MTHFD1: variants seen among roughly 807,000 people sequenced by gnomAD.
MTHFD1 encodes the protein C-1-tetrahydrofolate synthase, cytoplasmic.
A neutral mutation model predicts 110.3 loss-of-function variants in MTHFD1; 44 were observed. The observed-to-expected ratio is 0.40, with a 90% CI of 0.31 to 0.51. MTHFD1 has a LOEUF of 0.51. Among genes scored for constraint, MTHFD1 ranks in the 20% least tolerant of loss-of-function variants. MTHFD1 has a pLI of 0.60. For missense variants in MTHFD1, 909 were observed against 1,173.1 expected, an observed-to-expected ratio of 0.77 and a Z score of 3.29; for synonymous variants, 402 against 428.8, an observed-to-expected ratio of 0.94 and a Z score of 0.77.
intron 27 of MTHFD1, 147 bp from the exon 28 acceptor site, chr14:64,459,612 A>G: frequency 1.5e-6 from 1 of 664,620 alleles, no homozygotes; most frequent in Admixed American, 2.9e-5. Flanking sequence ...CCATTTATGG[A>G]CACGCCCTAG....
chr14:64,423,087 CTCTA>C (rs1178212232), intron 8 of MTHFD1: 2 of 152,150 alleles, frequency 1.3e-5, no homozygotes, highest in Admixed American at 6.5e-5. Context: ...GAGGGCAAAC[CTCTA>C]TCTATATTTC....
chr14:64,408,658 T>TA (rs1452568189), intron 2 of MTHFD1, among the ~76,000 whole-genome samples: 7 of 152,152 alleles, frequency 4.6e-5, no homozygotes, highest in African/African-American at 1.7e-4. Flanking sequence ...CTTTCCCCTA[T>TA]AAAATGCCTA....
intron 8 of MTHFD1, among the ~76,000 whole-genome samples, chr14:64,420,596 T>C (rs2078061253): frequency 6.6e-6 from 1 of 152,180 alleles, no homozygotes; most frequent in Non-Finnish European, 1.5e-5. Context: ...CACTGAGTGT[T>C]ACCTTCTCAG....
At chr14:64,396,194 A>G (rs1260832640) in intron 1 of MTHFD1, among the ~76,000 whole-genome samples, 1 of 152,126 alleles carries the variant, frequency 6.6e-6, no homozygotes, top group Non-Finnish European at 1.5e-5. Context: ...TGTCTTGTAT[A>G]CTGATATAGC....
In MTHFD1 at chr14:64,417,928, C is replaced by T. The variant is rs767310738; in HGVS notation, c.519C>T (p.Arg173=). ...GAAGGCATGCTGTGGTGGTTGGGCG[C>T]AGTAAAATAGTTGGGGCCCCGATGC... The part of the protein sequence containing the change: ...IAGRHAVVVG[R]SKIVGAPMHD... Residue 173 remains arginine, a synonymous_variant, in exon 7 of 28, where the codon CGC becomes CGT. Transcript: ENST00000652337. The surrounding 1 kb of genome is among the most constrained non-coding windows in gnomAD (Gnocchi z 4.4). 3.1e-6 allele frequency: 5 copies of T among 1,613,306 alleles called. No homozygotes were observed.
chr14:64,405,777 A>C (rs1375425796), intron 2 of MTHFD1, among the ~76,000 whole-genome samples: 1 of 152,042 alleles, frequency 6.6e-6, no homozygotes, highest in Non-Finnish European at 1.5e-5. Context: ...AATCCTTGTT[A>C]AAATGCAAGT....
At chr14:64,414,415 C>T (rs2078009314) in intron 4 of MTHFD1, among the ~76,000 whole-genome samples, 2 of 151,728 alleles carry the variant, frequency 1.3e-5, no homozygotes, top group South Asian at 4.2e-4. Flanking sequence ...CCTCAGCCTC[C>T]TGAGAGGCTG....
At chr14:64,431,504 G>T (rs1247514564) in intron 13 of MTHFD1, 28 bp from the exon 14 acceptor site, 2 of 1,559,000 alleles carry the variant, frequency 1.3e-6, no homozygotes, top group South Asian at 2.2e-5. Context: ...GCAGCTGGGA[G>T]ACTAATGTGG....
intron 2 of MTHFD1, among the ~76,000 whole-genome samples, chr14:64,408,430 A>C (rs1294939080): frequency 6.6e-6 from 1 of 151,992 alleles, no homozygotes; most frequent in Non-Finnish European, 1.5e-5. Flanking sequence ...CTGGGATTAC[A>C]GGTGCACACC....
chr14:64,447,909 A>G (rs2078307049), intron 22 of MTHFD1: 1 of 402,944 alleles, frequency 2.5e-6, no homozygotes, highest in Non-Finnish European at 4.7e-6. Flanking sequence ...ATTCCTTTCA[A>G]ACAGCAAATA....
At chr14:64,447,751 C>T (rs1217277182) in intron 22 of MTHFD1, among the ~76,000 whole-genome samples, 1 of 152,140 alleles carries the variant, frequency 6.6e-6, no homozygotes, top group African/African-American at 2.4e-5. Flanking sequence ...AATACCTCTT[C>T]TGTGCCAGCC....
chr14:64,389,461 A>G (rs941940945), intron 1 of MTHFD1, among the ~76,000 whole-genome samples: 1 of 152,146 alleles, frequency 6.6e-6, no homozygotes, highest in Non-Finnish European at 1.5e-5. Flanking sequence ...TAATCCCAGC[A>G]CTTTGGGAGG....
Position 64,427,432 on chromosome 14 carries a change from G to C in MTHFD1, c.1223G>C (p.Cys408Ser). 2 of 1,614,232 alleles carry C rather than the reference G, an allele frequency of 1.2e-6. No individual in the cohort carries two copies. The highest frequency in any genetic ancestry group is 2.7e-5 in the African/African-American group (2 of 75,066). The change falls in exon 12 of 28, where the codon TGT becomes TCT. Residue 408 changes from cysteine (C) to serine (S), a missense_variant. Around this residue, in one of 3 missense-constraint regions of MTHFD1, gnomAD observed 424 missense variants for 510.4 expected, o/e 0.83. Transcript: ENST00000652337. ...CATCTCTACCAGAATGTCTTTGCGT[G>C]TGTGCGACAGCCTTCTCAGGGCCCC... ...GAHLYQNVFA[C>S]VRQPSQGPTF...
intron 4 of MTHFD1, among the ~76,000 whole-genome samples, chr14:64,413,603 G>A (rs979811890): frequency 2.0e-5 from 3 of 152,136 alleles, no homozygotes; most frequent in Non-Finnish European, 4.4e-5. Context: ...GAGGCTATTT[G>A]AATTTAGTTA....
chr14:64,404,192 C>G (rs867693844), intron 2 of MTHFD1, among the ~76,000 whole-genome samples: 1 of 152,186 alleles, frequency 6.6e-6, no homozygotes, highest in South Asian at 2.1e-4. Flanking sequence ...ATCTATCAGG[C>G]CAGTGACTTC....
chr14:64,442,513 C>A, intron 21 of MTHFD1, 111 bp downstream of exon 21: 1 of 1,197,652 alleles, frequency 8.3e-7, no homozygotes, highest in Non-Finnish European at 1.2e-6. Context: ...TCGTGATTAA[C>A]AGGCAGCAAA....
At chr14:64,437,240 TTGTACTC>T (rs2078213135) in intron 16 of MTHFD1, among the ~76,000 whole-genome samples, 1 of 152,166 alleles carries the variant, frequency 6.6e-6, no homozygotes, top group African/African-American at 2.4e-5. Context: ...ATAGGCAAAT[TTGTACTC>T]TGTGAGCTTC....
Position 64,447,344 on chromosome 14 carries a change from C to T in MTHFD1, c.2179-873C>T, listed in dbSNP as rs560713718. On this transcript the variant is annotated intron_variant, in intron 22 of 27. Coordinates refer to ENST00000652337, the MANE Select transcript of MTHFD1 (RefSeq NM_005956.4). ...TTAATTTTTATATTTTTAATAGATA[C>T]GGGGTTTCACCATGTTGGCCAGTAT... 1.4e-3 allele frequency among the ~76,000 whole-genome samples: 219 copies of T among 151,466 alleles called. 1 individual carries two copies. Among genetic ancestry groups the T allele is most frequent in the African/African-American group, 5.1e-3 (209 of 41,310 alleles).
chr14:64,415,583 A>G, intron 5 of MTHFD1, 56 bp from the exon 6 acceptor site: 1 of 1,612,902 alleles, frequency 6.2e-7, no homozygotes, highest in South Asian at 1.1e-5. Context: ...ATGTTTCTAA[A>G]GAGTAAAGAC....
Sources: allele counts gnomAD v4.1 joint callset (sites outside exome capture counted in the v4.1 genomes callset), GRCh38; gene constraint gnomAD v4.1.1; regional missense constraint gnomAD v4.1.1; non-coding constraint Gnocchi (gnomAD v3.1); transcripts MANE v1.5; gene names NCBI Gene and HGNC (gene_info 2026-07-23, HGNC 2026-07-21).